FKBP1B: variants seen among roughly 807,000 people sequenced by gnomAD.
FKBP1B encodes peptidyl-prolyl cis-trans isomerase FKBP1B.
In FKBP1B, 4 loss-of-function variants were observed where a neutral mutation model predicts 13.5. The observed-to-expected ratio is 0.30, with a 90% CI of 0.15 to 0.68. The LOEUF (loss-of-function observed/expected upper bound fraction) is 0.68. Ranked by LOEUF, FKBP1B falls within the 30% of genes least tolerant of loss-of-function variation. FKBP1B has a pLI of 0.76. For synonymous variants in FKBP1B, 54 were observed against 53.6 expected, an observed-to-expected ratio of 1.01 and a Z score of -0.03; for missense variants, 93 against 136.2, an observed-to-expected ratio of 0.68 and a Z score of 1.58.
chr2:24,059,204 C>G (rs909436110), intron 2 of FKBP1B, among the ~76,000 whole-genome samples: 1 of 150,492 alleles, frequency 6.6e-6, no homozygotes, highest in Non-Finnish European at 1.5e-5. Context: ...CGGGAGCAGT[C>G]GTGGAACTGC....
At chr2:24,045,226 G>GA (rs1197934660), upstream of FKBP1B, among the ~76,000 whole-genome samples, 2 of 152,148 alleles carry the variant, frequency 1.3e-5, no homozygotes, top group South Asian at 2.1e-4. Context: ...TAGTGAGGAG[G>GA]AAAAAAGAAT....
intron 2 of FKBP1B, among the ~76,000 whole-genome samples, chr2:24,057,918 C>T (rs1296137207): frequency 6.6e-6 from 1 of 151,968 alleles, no homozygotes; most frequent in Admixed American, 6.5e-5. Context: ...TCTGTCAGGC[C>T]AGGTGCGGTG....
At chr2:24,051,829 T>C (rs1663892580) in intron 1 of FKBP1B, among the ~76,000 whole-genome samples, 1 of 152,206 alleles carries the variant, frequency 6.6e-6, no homozygotes, top group Non-Finnish European at 1.5e-5. Context: ...AAATATCGGC[T>C]CTGTGGTTAG....
chr2:24,034,573 A>C, the FKBP1B span, among the ~76,000 whole-genome samples: 1 of 105,088 alleles, frequency 9.5e-6, no homozygotes, highest in East Asian at 3.3e-4. Flanking sequence ...GGGCAACAAA[A>C]CTTTTTTTTT....
At chr2:24,037,708 TGAGA>T in the FKBP1B span, 1 of 1,613,632 alleles carries the variant, frequency 6.2e-7, no homozygotes, top group South Asian at 1.1e-5. Context: ...AGGAAGATCT[TGAGA>T]GAGTGGATAC....
At chr2:24,042,564 C>G in the FKBP1B span, among the ~76,000 whole-genome samples, 1 of 142,464 alleles carries the variant, frequency 7.0e-6, no homozygotes, top group East Asian at 2.0e-4. Flanking sequence ...AAAAAATTAG[C>G]TGGCTGTGGT....
At chr2:24,060,983 A>G in intron 3 of FKBP1B, 57 bp downstream of exon 3, 1 of 1,309,088 alleles carries the variant, frequency 7.6e-7, no homozygotes, top group Non-Finnish European at 1.1e-6. Flanking sequence ...TGGGATCAGC[A>G]CTCTGCCCTC....
the FKBP1B span, among the ~76,000 whole-genome samples, chr2:24,035,635 C>T: frequency 6.6e-6 from 1 of 152,038 alleles, no homozygotes; most frequent in African/African-American, 2.4e-5. Context: ...AAAACTATGG[C>T]TGGGTGCAGT....
At position 24,049,773 on chromosome 2, in the gene FKBP1B, G is replaced by T. The variant is rs1663759522; in HGVS notation, c.-77G>T. ...CGGCGAGGAGGCGAGCCGGAGCGAC[G>T]GCGGGGCTGGGGCCGGAGCCGAGCC... On this transcript the variant is annotated 5_prime_UTR_variant, in exon 1 of 4. Coordinates refer to ENST00000380986, the MANE Select transcript of FKBP1B (RefSeq NM_004116.5). 1 of 1,203,950 alleles carries T rather than the reference G, an allele frequency of 8.3e-7. No homozygotes were observed. Among genetic ancestry groups the T allele is most frequent in the Non-Finnish European group, 1.1e-6 (1 of 945,100 alleles). The allele number at this position is 1,203,950 out of a possible 1,614,324, so 74.6% of individuals were successfully genotyped here.
Position 24,049,813 on chromosome 2 carries a change from G to T in FKBP1B, c.-37G>T. ...GGAGCCGAGCCGGGGTCGGGCAGCAGCAGGGACCCCCCAGAGGCGGGGCCT... is the reference window on the plus strand; with the variant it reads ...GGAGCCGAGCCGGGGTCGGGCAGCATCAGGGACCCCCCAGAGGCGGGGCCT... On this transcript the variant is annotated 5_prime_UTR_variant, in exon 1 of 4. Coordinates refer to ENST00000380986, the MANE Select transcript of FKBP1B (RefSeq NM_004116.5). 1 of 1,338,842 alleles carries T rather than the reference G, an allele frequency of 7.5e-7. No homozygotes were observed. The allele number at this position is 1,338,842 out of a possible 1,614,324, so 82.9% of individuals were successfully genotyped here.
intron 1 of FKBP1B, among the ~76,000 whole-genome samples, chr2:24,053,418 C>T (rs1442503500): frequency 1.3e-5 from 2 of 151,426 alleles, no homozygotes; most frequent in Non-Finnish European, 1.5e-5. Context: ...TGTGAGCCAC[C>T]ATGCCTGGCC....
chr2:24,056,242 G>T (rs747450717), intron 2 of FKBP1B, among the ~76,000 whole-genome samples: 1 of 151,826 alleles, frequency 6.6e-6, no homozygotes, highest in Non-Finnish European at 1.5e-5. Context: ...TGCCTGCCTC[G>T]GCCTCTCAAA....
At chr2:24,056,916 C>T (rs574091508) in intron 2 of FKBP1B, among the ~76,000 whole-genome samples, 33 of 152,214 alleles carry the variant, frequency 2.2e-4, no homozygotes, top group African/African-American at 6.7e-4. Context: ...GTCTCAAACT[C>T]CTGACCTCAG....
upstream of FKBP1B, chr2:24,047,453 C>T (rs552220667): frequency 3.2e-4 from 49 of 152,270 alleles, no homozygotes; most frequent in African/African-American, 1.1e-3. Flanking sequence ...TATCGGTCCT[C>T]TGATAGGTGG....
chr2:24,060,471 G>T (rs1664336998), intron 2 of FKBP1B, among the ~76,000 whole-genome samples: 1 of 152,154 alleles, frequency 6.6e-6, no homozygotes, highest in Non-Finnish European at 1.5e-5. Flanking sequence ...AGAATCGATT[G>T]AACCCAGGAG....
intron 2 of FKBP1B, 197 bp downstream of exon 2, chr2:24,054,146 C>A: frequency 1.4e-6 from 1 of 715,438 alleles, no homozygotes; most frequent in Non-Finnish European, 2.6e-6. Flanking sequence ...AAGGCCAACT[C>A]TTTCCCTCTT....
chr2:24,038,870 T>C, the FKBP1B span: 6 of 1,614,166 alleles, frequency 3.7e-6, no homozygotes, highest in South Asian at 1.1e-5. Context: ...GTTGCTGTGA[T>C]GGAGCAGACG....
the FKBP1B span, among the ~76,000 whole-genome samples, chr2:24,034,351 C>T: frequency 1.6e-4 from 24 of 152,166 alleles, no homozygotes; most frequent in East Asian, 4.2e-3. Flanking sequence ...ACCCAGGAGG[C>T]GGAGGTTGCA....
chr2:24,060,897 A>G lies in FKBP1B; in HGVS notation c.169A>G (p.Ile57Val). The G allele has an allele frequency of 6.2e-7, 1 of 1,614,160 alleles. No individual in the cohort carries two copies. Among genetic ancestry groups the G allele is most frequent in the Non-Finnish European group, 8.5e-7 (1 of 1,179,964 alleles). Reference protein sequence around the residue: ...FKFRIGKQEVIKGFEEGAAQM... With the variant: ...FKFRIGKQEVVKGFEEGAAQM... ...GTTCAGAATTGGCAAACAGGAAGTC[A>G]TCAAAGGTTTTGAAGAGGGTGCAGC... Residue 57 changes from isoleucine to valine, a missense_variant, in exon 3 of 4, where the codon ATC becomes GTC. Physicochemically the swap from Ile to Val is conservative, Grantham distance 29. Transcript: ENST00000380986.
Sources: allele counts gnomAD v4.1 joint callset (sites outside exome capture counted in the v4.1 genomes callset), GRCh38; gene constraint gnomAD v4.1.1; transcripts MANE v1.5; gene names NCBI Gene and HGNC (gene_info 2026-07-23, HGNC 2026-07-21).